Variants in PRDM11 observed in about 807,000 individuals in gnomAD.
PRDM11 encodes the protein PR/SET domain 11.
Under a neutral mutation model 97.8 loss-of-function variants are expected in PRDM11, and 20 were observed. The observed-to-expected ratio is 0.20, with a 90% CI of 0.14 to 0.30. The LOEUF (loss-of-function observed/expected upper bound fraction) is 0.30. Ranked by LOEUF, PRDM11 falls within the 10% of genes least tolerant of loss-of-function variation. The pLI is 1.00. For synonymous variants in PRDM11, 599 were observed against 637.7 expected (o/e 0.94, Z 0.91); for missense variants, 1,139 against 1,555.2 (o/e 0.73, Z 4.50).
chr11:45,125,306 AT>A (rs1168018033), intron 1 of PRDM11, among the ~76,000 whole-genome samples: 1,749 of 152,056 alleles, frequency 0.012, 25 homozygotes, highest in Non-Finnish European at 0.013. Flanking sequence ...GGATTCATTA[AT>A]TTTTTGAAGG....
intron 5 of PRDM11, among the ~76,000 whole-genome samples, chr11:45,206,676 C>T (rs1590445091): frequency 6.6e-6 from 1 of 152,226 alleles, no homozygotes; most frequent in South Asian, 2.1e-4. Flanking sequence ...CTCTGGCACC[C>T]CGCAGATTGT....
chr11:45,159,790 CCTT>C (rs1851887194), intron 1 of PRDM11, among the ~76,000 whole-genome samples: 1 of 152,194 alleles, frequency 6.6e-6, no homozygotes, highest in South Asian at 2.1e-4. Context: ...TTCTTCTCCT[CCTT>C]CCTTCCTGAA....
At chr11:45,172,625 T>C (rs1020736966) in intron 1 of PRDM11, among the ~76,000 whole-genome samples, 1 of 152,142 alleles carries the variant, frequency 6.6e-6, no homozygotes, top group Non-Finnish European at 1.5e-5. Context: ...CAACCAGCCA[T>C]GGCTCAACAG....
In PRDM11 at chr11:45,227,413, C is replaced by T. The variant is rs1457161354; in HGVS notation, c.2788C>T (p.Leu930=). Residue 930 remains leucine, a synonymous_variant, in exon 8 of 8, where the codon CTG becomes TTG. Transcript: ENST00000683152. The surrounding 1 kb of genome is among the most constrained non-coding windows in gnomAD (Gnocchi z 8.0). ...GCTGGCTGACTCCCCGGGAGAATAC[C>T]TGCAGGAGTTCGAGGAGAATTTCCG... ...SRLADSPGEY[L]QEFEENFRES... is the part of the protein sequence containing the mutation. 1 of 1,533,800 alleles carries T rather than the reference C, an allele frequency of 6.5e-7. No homozygotes were observed. The highest frequency in any genetic ancestry group is 2.4e-5 in the East Asian group (1 of 40,912).
intron 1 of PRDM11, among the ~76,000 whole-genome samples, chr11:45,108,762 C>T (rs1347962756): frequency 6.6e-6 from 1 of 152,214 alleles, no homozygotes. Flanking sequence ...GACCCAGGCC[C>T]AGTGCCACTC....
In PRDM11 at chr11:45,219,454, G is replaced by A; in HGVS notation, c.555-116G>A. ...CAGCTGCTCTGCTGATGTTCACATGGGCCCACGTGCCTGTGGACTTCTAAC... is the reference window on the plus strand; with the variant it reads ...CAGCTGCTCTGCTGATGTTCACATGAGCCCACGTGCCTGTGGACTTCTAAC... On this transcript the variant is annotated intron_variant, in intron 5 of 7. Transcript: ENST00000683152. The surrounding 1 kb of genome is among the most constrained non-coding windows in gnomAD (Gnocchi z 4.2). 2 of 1,008,270 alleles carry A rather than the reference G, an allele frequency of 2.0e-6. No individual in the cohort carries two copies. The highest frequency in any genetic ancestry group is 1.4e-6 in the Non-Finnish European group (1 of 691,712). The allele number at this position is 1,008,270 out of a possible 1,614,324, so 62.5% of individuals were successfully genotyped here.
At chr11:45,126,078 C>A (rs1852563507) in intron 1 of PRDM11, among the ~76,000 whole-genome samples, 1 of 152,168 alleles carries the variant, frequency 6.6e-6, no homozygotes, top group Admixed American at 6.5e-5. Flanking sequence ...TGAATTGATC[C>A]TTTTACCATT....
At chr11:45,189,081 A>G (rs892567644) in intron 4 of PRDM11, among the ~76,000 whole-genome samples, 1 of 152,028 alleles carries the variant, frequency 6.6e-6, no homozygotes, top group African/African-American at 2.4e-5. Flanking sequence ...TTGTATTTTT[A>G]GTAGAGACGG....
chr11:45,204,906 A>G, intron 5 of PRDM11, 128 bp downstream of exon 5: 2 of 981,976 alleles, frequency 2.0e-6, no homozygotes, highest in Non-Finnish European at 3.2e-6. Flanking sequence ...CAGGGTTTGG[A>G]TGCATCTAGC....
rs542998584 is a variant in PRDM11, at chr11:45,211,725, C to T, written c.554+6947C>T. Among the ~76,000 whole-genome samples the T allele has an allele frequency of 2.6e-5, 4 of 152,244 alleles. No individual in the cohort carries two copies. In the South Asian group the frequency reaches 6.2e-4, roughly 24 times the overall value. On this transcript the variant is annotated intron_variant, in intron 5 of 7. Transcript: ENST00000683152. Reference sequence around the variant, plus strand: ...TCTTTTATCCCTCACCCCCTTCCCACTCTTCCCCCCAAGTCCGCAAAGTCC... The same window carrying T: ...TCTTTTATCCCTCACCCCCTTCCCATTCTTCCCCCCAAGTCCGCAAAGTCC...
At chr11:45,127,323 TC>T (rs1336526590) in intron 1 of PRDM11, among the ~76,000 whole-genome samples, 15 of 152,232 alleles carry the variant, frequency 9.9e-5, no homozygotes, top group Admixed American at 9.8e-4. Context: ...TCTGAAGCCT[TC>T]TTCTCCCAAC....
chr11:45,181,711 C>G (rs1565296206), intron 1 of PRDM11, 50 bp from the exon 2 acceptor site: 3 of 1,526,268 alleles, frequency 2.0e-6, no homozygotes, highest in Non-Finnish European at 9.0e-7. Context: ...CTCCTCTTCC[C>G]CTGTTTCTTT....
At chr11:45,213,453 G>C (rs757367628) in intron 5 of PRDM11, 1 of 450,256 alleles carries the variant, frequency 2.2e-6, no homozygotes, top group Non-Finnish European at 4.5e-6. Context: ...TGCTTCTTTT[G>C]AAGGGGGTGA....
intron 5 of PRDM11, chr11:45,213,889 G>A: frequency 2.7e-6 from 1 of 374,516 alleles, no homozygotes; most frequent in South Asian, 2.0e-5. Flanking sequence ...GGAGGCAGGG[G>A]GCAGGTCTTG....
At chr11:45,209,414 CTT>C in intron 5 of PRDM11, 2 of 312,310 alleles carry the variant, frequency 6.4e-6, no homozygotes, top group Non-Finnish European at 1.3e-5. Flanking sequence ...CCAGCCCACT[CTT>C]TCCATCCTCC....
At chr11:45,157,381 A>G (rs1013312542) in intron 1 of PRDM11, among the ~76,000 whole-genome samples, 7 of 152,072 alleles carry the variant, frequency 4.6e-5, no homozygotes, top group Admixed American at 1.3e-4. Flanking sequence ...TTCGCGTCCT[A>G]TGATAATCTA....
Position 45,228,231 on chromosome 11 carries a change from T to G in PRDM11, c.*72T>G, listed in dbSNP as rs924592266. 1 of 359,100 alleles carries G rather than the reference T, an allele frequency of 2.8e-6. No homozygotes were observed. The highest frequency in any genetic ancestry group is 3.8e-6 in the Non-Finnish European group (1 of 261,830). 22.2% of individuals were successfully genotyped at this position (359,100 alleles called of 1,614,324 possible). On this transcript the variant is annotated 3_prime_UTR_variant, in exon 8 of 8. Coordinates refer to ENST00000683152, the MANE Select transcript of PRDM11 (RefSeq NM_001384648.1). ...TCTATACTCATAAGCTTTGATATAT[T>G]ATATAAATATATATTATATTATATT...
intron 4 of PRDM11, among the ~76,000 whole-genome samples, chr11:45,183,765 G>A (rs1852604278): frequency 6.6e-6 from 1 of 152,220 alleles, no homozygotes; most frequent in Non-Finnish European, 1.5e-5. Context: ...CAGAGATAGG[G>A]GAGGGTGGGG....
At chr11:45,223,921 A>G (rs1297497950) in intron 6 of PRDM11, among the ~76,000 whole-genome samples, 1 of 152,186 alleles carries the variant, frequency 6.6e-6, no homozygotes, top group Non-Finnish European at 1.5e-5. Flanking sequence ...ATAGGAAAGA[A>G]TGTTCAATTA....
Sources: allele counts gnomAD v4.1 joint callset (sites outside exome capture counted in the v4.1 genomes callset), GRCh38; gene constraint gnomAD v4.1.1; non-coding constraint Gnocchi (gnomAD v3.1); transcripts MANE v1.5; gene names NCBI Gene and HGNC (gene_info 2026-07-23, HGNC 2026-07-21).